Variants in SLC9A9 observed in about 807,000 individuals in gnomAD.
The protein encoded by SLC9A9 is solute carrier family 9 member A9, also known as sodium/hydrogen exchanger 9.
SLC9A9 carries 62 observed loss-of-function variants against 77.8 expected under a neutral mutation model. The observed-to-expected ratio is 0.80, with a 90% CI of 0.65 to 0.98. The LOEUF is 0.98. Ranked by LOEUF, SLC9A9 falls within the 50% of genes least tolerant of loss-of-function variation. SLC9A9 has a pLI of 0.00. For synonymous variants in SLC9A9, 320 were observed against 283.5 expected (o/e 1.13, Z -1.29); for missense variants, 775 against 774.9 (o/e 1.00, Z 0.00).
chr3:143,562,527 C>T (rs1360480944), intron 8 of SLC9A9, among the ~76,000 whole-genome samples: 1 of 151,848 alleles, frequency 6.6e-6, no homozygotes, highest in Non-Finnish European at 1.5e-5. Flanking sequence ...GAATACAAAA[C>T]TTAATAGGAG....
chr3:143,388,698 C>A lies in SLC9A9; in HGVS notation c.1470-6584G>T, dbSNP rs557538736. 4.6e-5 allele frequency among the ~76,000 whole-genome samples: 7 copies of A among 152,228 alleles called. No homozygotes were observed. The South Asian group carries it at 1.5e-3, about 32-fold the overall frequency. On this transcript the variant is annotated intron_variant, in intron 12 of 15. Coordinates refer to ENST00000316549, the MANE Select transcript of SLC9A9 (RefSeq NM_173653.4). Reference sequence around the variant, plus strand: ...ATACAATATAGGTTAAAGACAAGAGCGGCTTTTCCATAAATGACAGATGCT... The same window carrying A: ...ATACAATATAGGTTAAAGACAAGAGAGGCTTTTCCATAAATGACAGATGCT...
At chr3:143,466,240 T>C (rs1242971473) in intron 12 of SLC9A9, among the ~76,000 whole-genome samples, 1 of 152,232 alleles carries the variant, frequency 6.6e-6, no homozygotes, top group Non-Finnish European at 1.5e-5. Flanking sequence ...AGGGACTGCA[T>C]GATCATCAAA....
At chr3:143,319,274 G>A (rs759752988) in intron 14 of SLC9A9, among the ~76,000 whole-genome samples, 14 of 152,308 alleles carry the variant, frequency 9.2e-5, no homozygotes, top group Non-Finnish European at 1.0e-4. Flanking sequence ...CCAGGACACA[G>A]GCTTCCTGAG....
chr3:143,806,096 C>A (rs912585615), intron 2 of SLC9A9, among the ~76,000 whole-genome samples: 1 of 151,096 alleles, frequency 6.6e-6, no homozygotes, highest in African/African-American at 2.4e-5. Context: ...TCCCCTACCC[C>A]CCGTCCCCCA....
At chr3:143,523,788 A>G (rs2108615544) in intron 9 of SLC9A9, among the ~76,000 whole-genome samples, 1 of 152,302 alleles carries the variant, frequency 6.6e-6, no homozygotes, top group African/African-American at 2.4e-5. Context: ...ACAATAAATC[A>G]TGACAACATT....
chr3:143,389,500 C>T (rs185715653), intron 12 of SLC9A9, among the ~76,000 whole-genome samples: 79 of 152,282 alleles, frequency 5.2e-4, no homozygotes, highest in African/African-American at 1.8e-3. Flanking sequence ...GTTTGCCCTA[C>T]CATTAGCCAT....
At chr3:143,625,858 TCTA>T (rs1458130976) in intron 6 of SLC9A9, among the ~76,000 whole-genome samples, 3 of 152,130 alleles carry the variant, frequency 2.0e-5, no homozygotes, top group Non-Finnish European at 4.4e-5. Context: ...ATTTTTCCAA[TCTA>T]CTCATCTGAC....
intron 9 of SLC9A9, among the ~76,000 whole-genome samples, chr3:143,540,581 A>T (rs1254027858): frequency 1.3e-5 from 2 of 152,202 alleles, no homozygotes; most frequent in Non-Finnish European, 2.9e-5. Context: ...GCATAAATAA[A>T]TTGAAAATGA....
At chr3:143,297,417 A>G (rs1334106685) in intron 14 of SLC9A9, among the ~76,000 whole-genome samples, 1 of 152,226 alleles carries the variant, frequency 6.6e-6, no homozygotes, top group Non-Finnish European at 1.5e-5. Context: ...TGCCAGCATC[A>G]TACTGTCTTA....
At chr3:143,673,018 G>T (rs183638880) in intron 5 of SLC9A9, among the ~76,000 whole-genome samples, 1 of 152,186 alleles carries the variant, frequency 6.6e-6, no homozygotes, top group Non-Finnish European at 1.5e-5. Context: ...TAGTTCATGT[G>T]CCTCTGCAAT....
chr3:143,404,178 CTTTTTT>C (rs57688016), intron 12 of SLC9A9, among the ~76,000 whole-genome samples: 1 of 142,618 alleles, frequency 7.0e-6, no homozygotes, highest in East Asian at 2.0e-4. Flanking sequence ...TTTCTTTTTT[CTTTTTT>C]TTTTTTGGAG....
intron 3 of SLC9A9, among the ~76,000 whole-genome samples, chr3:143,795,393 C>G (rs952014917): frequency 3.6e-4 from 55 of 151,832 alleles, no homozygotes; most frequent in Non-Finnish European, 6.9e-4. Context: ...AATGTCTATG[C>G]CAGAATCGGG....
chr3:143,268,043 G>T (rs914872789), intron 15 of SLC9A9, among the ~76,000 whole-genome samples: 6 of 152,328 alleles, frequency 3.9e-5, no homozygotes, highest in Admixed American at 1.3e-4. Context: ...TGCTGGTTTG[G>T]AGACTACTGT....
chr3:143,319,929 C>T (rs16853413), intron 14 of SLC9A9, among the ~76,000 whole-genome samples: 17,588 of 152,168 alleles, frequency 0.12, 1,149 homozygotes, highest in East Asian at 0.19. Context: ...CAGTCTTCAG[C>T]GTTTTGTTCC....
At chr3:143,615,895 T>G (rs1431225016) in intron 6 of SLC9A9, among the ~76,000 whole-genome samples, 1 of 151,694 alleles carries the variant, frequency 6.6e-6, no homozygotes, top group Non-Finnish European at 1.5e-5. Context: ...TTTTTTTTTT[T>G]TTTGTGACAG....
At chr3:143,825,241 C>G (rs370038318) in intron 2 of SLC9A9, among the ~76,000 whole-genome samples, 3 of 152,154 alleles carry the variant, frequency 2.0e-5, no homozygotes, top group Non-Finnish European at 4.4e-5. Flanking sequence ...GGCCCAATGA[C>G]TCTCTCTGCT....
In SLC9A9 at chr3:143,569,699, TTTCCC is replaced by T. The variant is rs141619983; in HGVS notation, c.1000+4384_1000+4388del. Among the ~76,000 whole-genome samples, 305 of 152,184 alleles carry T rather than the reference TTTCCC, an allele frequency of 2.0e-3. 1 individual carries two copies. The highest frequency in any genetic ancestry group is 7.1e-3 in the African/African-American group (296 of 41,514). On this transcript the variant is annotated intron_variant, in intron 8 of 15. Coordinates refer to ENST00000316549, the MANE Select transcript of SLC9A9 (RefSeq NM_173653.4). ...ACTTGAAAATGCCTATGCCAACCCC[TTTCCC>T]TTACCCAAACGAACAAAACAGAACA...
At chr3:143,779,836 G>C (rs752869147) in intron 4 of SLC9A9, among the ~76,000 whole-genome samples, 1 of 152,194 alleles carries the variant, frequency 6.6e-6, no homozygotes, top group East Asian at 1.9e-4. Flanking sequence ...TAGAGTAGAC[G>C]TCCTATGTAT....
At chr3:143,403,802 T>A in intron 12 of SLC9A9, among the ~76,000 whole-genome samples, 1 of 152,218 alleles carries the variant, frequency 6.6e-6, no homozygotes, top group Non-Finnish European at 1.5e-5. Flanking sequence ...TGTCTTGATA[T>A]GGCTTTCGTT....
Sources: allele counts gnomAD v4.1 joint callset (sites outside exome capture counted in the v4.1 genomes callset), GRCh38; gene constraint gnomAD v4.1.1; transcripts MANE v1.5; gene names NCBI Gene and HGNC (gene_info 2026-07-23, HGNC 2026-07-21).